The following SCFD2 variants were observed in gnomAD, a reference collection of about 807,000 sequenced individuals.
The protein encoded by SCFD2 is sec1 family domain containing 2.
SCFD2 carries 54 observed loss-of-function variants against 58.9 expected under a neutral mutation model. That is an observed-to-expected ratio of 0.92 (90% CI 0.74 to 1.15). The LOEUF is 1.15. Among genes scored for constraint, SCFD2 ranks in the 50% most tolerant of loss-of-function variants. The probability of loss-of-function intolerance (pLI) is 0.00; values close to 1 mark genes in which losing one functional copy is unlikely to be tolerated. For missense variants in SCFD2, 805 were observed against 836.6 expected, an observed-to-expected ratio of 0.96 and a Z score of 0.47; for synonymous variants, 321 against 335.9, an observed-to-expected ratio of 0.96 and a Z score of 0.49.
chr4:53,200,413 GA>G (rs1454865519), intron 4 of SCFD2, among the ~76,000 whole-genome samples: 1 of 151,932 alleles, frequency 6.6e-6, no homozygotes, highest in African/African-American at 2.4e-5. Context: ...CTATGAAAGT[GA>G]ATCTCCAAAA....
chr4:53,313,718 C>T lies in SCFD2; in HGVS notation c.1053G>A (p.Lys351=), dbSNP rs1732765152. 1 of 1,613,944 alleles carries T rather than the reference C, an allele frequency of 6.2e-7. No homozygotes were observed. Among genetic ancestry groups the T allele is most frequent in the Non-Finnish European group, 8.5e-7 (1 of 1,179,948 alleles). ...KALWEALLNT[K]HKEAVMEVRR... is the part of the protein sequence containing the mutation. ...GAACTTCCATCACTGCCTCTTTGTG[C>T]TTAGTGTTCAGTAAAGCTTCCCATA... is the stretch of plus-strand genomic sequence containing the variant. The change falls in exon 3 of 9, where the codon AAG becomes AAA. Residue 351 remains lysine (K), a synonymous_variant. Transcript: ENST00000401642.
chr4:53,263,105 G>A (rs1034013594), intron 4 of SCFD2, among the ~76,000 whole-genome samples: 2 of 151,940 alleles, frequency 1.3e-5, no homozygotes, highest in African/African-American at 4.8e-5. Context: ...CAGAAGTTGT[G>A]ATTGTTCTTA....
rs1361181497 is a variant in SCFD2, at chr4:53,365,815, T to G, written c.127A>C (p.Thr43Pro). ...CCCCCCACCGCCTCCAGGAGACGGG[T>G]GGATCCGCAGCCCCAGTGCAGGCTC... ...AESLHWGCGS[T>P]RLLEAVGGPD... The change falls in exon 1 of 9, where the codon ACC becomes CCC. Residue 43 changes from threonine to proline, a missense_variant. This residue lies in a region of SCFD2 where 155 missense variants were observed against 149.7 expected (regional missense o/e 1.04). Coordinates refer to ENST00000401642, the MANE Select transcript of SCFD2 (RefSeq NM_152540.4). This position sits in a 1 kb window ranked among gnomAD's most constrained non-coding sequence, Gnocchi z 4.3. The G allele has an allele frequency of 1.5e-5, 24 of 1,613,670 alleles. No individual in the cohort carries two copies. Among genetic ancestry groups the G allele is most frequent in the Non-Finnish European group, 1.9e-5 (23 of 1,179,952 alleles).
intron 5 of SCFD2, among the ~76,000 whole-genome samples, chr4:52,958,731 G>C (rs1181886061): frequency 1.3e-5 from 2 of 152,122 alleles, no homozygotes; most frequent in East Asian, 3.9e-4. Flanking sequence ...GCAGAGGACA[G>C]GTGTCTCTGT....
chr4:53,280,805 AT>A (rs1330960306), intron 3 of SCFD2, among the ~76,000 whole-genome samples: 1 of 152,206 alleles, frequency 6.6e-6, no homozygotes, highest in Non-Finnish European at 1.5e-5. Context: ...AATATAATAT[AT>A]TCTGCTAAAA....
intron 5 of SCFD2, among the ~76,000 whole-genome samples, chr4:53,089,300 T>C (rs540014921): frequency 4.6e-5 from 7 of 152,320 alleles, no homozygotes; most frequent in South Asian, 2.1e-4. Context: ...TTACCTGATA[T>C]ATGGTTTACA....
At chr4:52,891,653 C>T (rs753913552) in intron 7 of SCFD2, among the ~76,000 whole-genome samples, 6 of 147,634 alleles carry the variant, frequency 4.1e-5, no homozygotes, top group Non-Finnish European at 9.0e-5. Flanking sequence ...TTTTTATTAG[C>T]ATTCATCTCT....
intron 5 of SCFD2, among the ~76,000 whole-genome samples, chr4:53,106,564 G>A (rs969360810): frequency 5.3e-5 from 8 of 152,144 alleles, no homozygotes; most frequent in African/African-American, 1.9e-4. Flanking sequence ...AGAACTTCGT[G>A]AAGCATACAC....
At chr4:53,061,923 G>A (rs1019778793) in intron 5 of SCFD2, among the ~76,000 whole-genome samples, 10 of 152,060 alleles carry the variant, frequency 6.6e-5, no homozygotes, top group South Asian at 2.1e-4. Flanking sequence ...CCAAGTCCAC[G>A]ATTAGACAGA....
intron 4 of SCFD2, among the ~76,000 whole-genome samples, chr4:53,201,008 A>C (rs1728214848): frequency 6.6e-6 from 1 of 151,748 alleles, no homozygotes; most frequent in Non-Finnish European, 1.5e-5. Flanking sequence ...ATTTTAATTT[A>C]ATTTAATTTT....
intron 3 of SCFD2, among the ~76,000 whole-genome samples, chr4:53,294,103 T>C (rs1380620533): frequency 1.3e-5 from 2 of 152,204 alleles, no homozygotes; most frequent in Non-Finnish European, 2.9e-5. Context: ...ACAATAAACA[T>C]ATGTGTGCAT....
At chr4:52,920,439 G>T (rs1453735179) in intron 6 of SCFD2, among the ~76,000 whole-genome samples, 1 of 152,154 alleles carries the variant, frequency 6.6e-6, no homozygotes. Context: ...GGAGAGAAGG[G>T]ACTTGCAGAA....
At chr4:53,259,658 C>T (rs1469524849) in intron 4 of SCFD2, among the ~76,000 whole-genome samples, 1 of 152,110 alleles carries the variant, frequency 6.6e-6, no homozygotes, top group African/African-American at 2.4e-5. Context: ...TAATGTGATG[C>T]CTCCAGATTT....
chr4:53,181,122 T>C (rs182361131), intron 4 of SCFD2, among the ~76,000 whole-genome samples: 1 of 151,954 alleles, frequency 6.6e-6, no homozygotes, highest in South Asian at 2.1e-4. Context: ...AGAAAATCAA[T>C]AGAAAAAGAG....
intron 4 of SCFD2, among the ~76,000 whole-genome samples, chr4:53,271,153 C>G (rs1577918372): frequency 2.0e-5 from 3 of 152,180 alleles, no homozygotes; most frequent in Admixed American, 2.0e-4. Context: ...GAAGGCAGCT[C>G]ACCGACATCC....
At chr4:53,197,879 A>G (rs933575550) in intron 4 of SCFD2, among the ~76,000 whole-genome samples, 2 of 152,112 alleles carry the variant, frequency 1.3e-5, no homozygotes, top group Non-Finnish European at 2.9e-5. Context: ...GGGTAAAAAA[A>G]TATTTACAAG....
At position 53,365,936 on chromosome 4, in the gene SCFD2, G is replaced by T; in HGVS notation, c.6C>A (p.Ser2Arg). The T allele has an allele frequency of 6.5e-7, 1 of 1,529,026 alleles. No homozygotes were observed. Among genetic ancestry groups the T allele is most frequent in the Admixed American group, 2.0e-5 (1 of 48,858 alleles). The allele number at this position is 1,529,026 out of a possible 1,614,324, so 94.7% of individuals were successfully genotyped here. A position where few individuals can be genotyped will look rare whatever the true frequency, so the allele number is the denominator to read the frequency against. Reference protein sequence around the residue: MSASGVLSFTQQ... With the variant: MRASGVLSFTQQ... Reference sequence around the variant, plus strand: ...GGGTAAAGGACAGTACGCCCGAGGCGCTCATGGTTGGGGATTCGCAGACTT... The same window carrying T: ...GGGTAAAGGACAGTACGCCCGAGGCTCTCATGGTTGGGGATTCGCAGACTT... Residue 2 changes from serine to arginine, a missense_variant, in exon 1 of 9, where the codon AGC becomes AGA. By Grantham distance (110) the Ser-to-Arg change is moderately radical. Coordinates refer to ENST00000401642, the MANE Select transcript of SCFD2 (RefSeq NM_152540.4). The surrounding 1 kb of genome is among the most constrained non-coding windows in gnomAD (Gnocchi z 4.3).
chr4:53,102,923 T>C (rs1724871383), intron 5 of SCFD2, among the ~76,000 whole-genome samples: 1 of 152,150 alleles, frequency 6.6e-6, no homozygotes, highest in Non-Finnish European at 1.5e-5. Flanking sequence ...CATGAGTCTA[T>C]ACTTATAATA....
intron 7 of SCFD2, among the ~76,000 whole-genome samples, chr4:52,902,732 G>A (rs1366505112): frequency 6.6e-6 from 1 of 152,188 alleles, no homozygotes; most frequent in Non-Finnish European, 1.5e-5. Context: ...CAAAGTAGAT[G>A]CTATTATCAT....
Sources: gnomAD v4.1 joint callset for allele counts (sites outside exome capture counted in the v4.1 genomes callset) on GRCh38, gnomAD v4.1.1 for gene constraint, gnomAD v4.1.1 regional missense constraint, Gnocchi (gnomAD v3.1) non-coding constraint, MANE v1.5 for transcripts, NCBI Gene and HGNC (gene_info 2026-07-23, HGNC 2026-07-21) for gene names.